FBXO15: variants seen among roughly 807,000 people sequenced by gnomAD.
FBXO15 encodes the protein F-box only protein 15.
Under a neutral mutation model 49.5 loss-of-function variants are expected in FBXO15, and 30 were observed. The observed-to-expected ratio is 0.61, with a 90% CI of 0.45 to 0.82. FBXO15 has a LOEUF of 0.82. Among genes scored for constraint, FBXO15 ranks in the 40% least tolerant of loss-of-function variants. FBXO15 has a pLI of 0.00. For missense variants in FBXO15, 591 were observed against 631.5 expected, an observed-to-expected ratio of 0.94 and a Z score of 0.69; for synonymous variants, 250 against 232.7, an observed-to-expected ratio of 1.07 and a Z score of -0.68.
chr18:74,108,487 C>T (rs1369619653), intron 8 of FBXO15, among the ~76,000 whole-genome samples: 1 of 148,010 alleles, frequency 6.8e-6, no homozygotes, highest in Non-Finnish European at 1.5e-5. Flanking sequence ...TAATATAAAC[C>T]TCTAAAATTG....
At chr18:74,114,097 T>C (rs1446816355) in intron 8 of FBXO15, among the ~76,000 whole-genome samples, 1 of 152,164 alleles carries the variant, frequency 6.6e-6, no homozygotes, top group Non-Finnish European at 1.5e-5. Context: ...CCTAAACAAT[T>C]TGTACAGTGT....
At chr18:74,119,067 G>C (rs1356928099) in intron 8 of FBXO15, among the ~76,000 whole-genome samples, 1 of 152,166 alleles carries the variant, frequency 6.6e-6, no homozygotes, top group African/African-American at 2.4e-5. Flanking sequence ...GGCGGGATGA[G>C]GGCAGGGCTT....
At chr18:74,112,346 T>C (rs989404033) in intron 8 of FBXO15, among the ~76,000 whole-genome samples, 1 of 152,208 alleles carries the variant, frequency 6.6e-6, no homozygotes, top group Non-Finnish European at 1.5e-5. Context: ...TGTGATCAAG[T>C]AGAATTTCTC....
intron 3 of FBXO15, among the ~76,000 whole-genome samples, chr18:74,131,889 C>T (rs927800427): frequency 6.6e-6 from 1 of 152,170 alleles, no homozygotes; most frequent in Admixed American, 6.5e-5. Context: ...TAACTGGGTG[C>T]TCTGGGGAGG....
At chr18:74,143,245 ATTGT>A (rs1335951098) in intron 1 of FBXO15, among the ~76,000 whole-genome samples, 2 of 152,192 alleles carry the variant, frequency 1.3e-5, no homozygotes, top group Admixed American at 6.5e-5. Context: ...GCTTTTTGTC[ATTGT>A]TTATTTCCTC....
At chr18:74,082,182 G>A (rs761777078) in intron 8 of FBXO15, 131 bp from the exon 9 acceptor site, 2 of 763,802 alleles carry the variant, frequency 2.6e-6, no homozygotes, top group Non-Finnish European at 4.0e-6. Flanking sequence ...GGGCAACATG[G>A]GCACAGCAAT....
intron 2 of FBXO15, among the ~76,000 whole-genome samples, chr18:74,139,208 A>G (rs1281841183): frequency 6.6e-6 from 1 of 152,098 alleles, no homozygotes; most frequent in African/African-American, 2.4e-5. Flanking sequence ...TGTTTTCTCA[A>G]CAACAGGTAT....
chr18:74,139,756 T>C (rs1978949356), intron 2 of FBXO15, among the ~76,000 whole-genome samples: 1 of 152,204 alleles, frequency 6.6e-6, no homozygotes, highest in Non-Finnish European at 1.5e-5. Flanking sequence ...CAATTAAACA[T>C]AATAATTTTT....
At chr18:74,100,122 C>G (rs1362003043) in intron 8 of FBXO15, 1 of 152,140 alleles carries the variant, frequency 6.6e-6, no homozygotes, top group Non-Finnish European at 1.5e-5. Context: ...ACATTCTATT[C>G]ATCAGTGCAT....
At chr18:74,131,320 A>G (rs1307516742) in intron 3 of FBXO15, among the ~76,000 whole-genome samples, 8 of 152,174 alleles carry the variant, frequency 5.3e-5, no homozygotes, top group Non-Finnish European at 1.2e-4. Flanking sequence ...TCCTGTCCCC[A>G]CTGCATAGAT....
chr18:74,135,243 A>G (rs1014149685), intron 3 of FBXO15, among the ~76,000 whole-genome samples: 1 of 152,228 alleles, frequency 6.6e-6, no homozygotes, highest in Admixed American at 6.5e-5. Context: ...AGGAGAGGAC[A>G]GTCTTGGCCT....
intron 3 of FBXO15, among the ~76,000 whole-genome samples, chr18:74,134,983 C>A (rs920474538): frequency 6.6e-6 from 1 of 152,148 alleles, no homozygotes; most frequent in Admixed American, 6.5e-5. Context: ...TTTGTCTGAT[C>A]TTTTGATGCT....
chr18:74,105,022 T>C (rs962161904), intron 8 of FBXO15, among the ~76,000 whole-genome samples: 1 of 152,142 alleles, frequency 6.6e-6, no homozygotes, highest in Non-Finnish European at 1.5e-5. Flanking sequence ...GCAACATGGA[T>C]GAAACTGGAG....
At chr18:74,142,674 A>G (rs75798244) in intron 1 of FBXO15, among the ~76,000 whole-genome samples, 1 of 152,262 alleles carries the variant, frequency 6.6e-6, no homozygotes, top group African/African-American at 2.4e-5. Flanking sequence ...TTATAAGGAT[A>G]TCATTCATAT....
chr18:74,073,752 A>G (rs928498365), intron 9 of FBXO15, 22 bp from the exon 10 acceptor site: 2 of 1,593,982 alleles, frequency 1.3e-6, no homozygotes, highest in Admixed American at 3.5e-5. Flanking sequence ...ACACAGATTG[A>G]CAAGGATAAA....
chr18:74,083,618 G>T (rs1912599593), intron 8 of FBXO15, among the ~76,000 whole-genome samples: 1 of 152,218 alleles, frequency 6.6e-6, no homozygotes, highest in African/African-American at 2.4e-5. Context: ...AGTGGCAACT[G>T]CCTGAGCTAA....
Position 74,123,466 on chromosome 18 carries a change from G to A in FBXO15, c.1040C>T (p.Pro347Leu), listed in dbSNP as rs757098182. ...PPHSPFLDDS[P>L]EYGLHGYQLH... The stretch of plus-strand genomic sequence containing the variant: ...TTGGTAGCCGTGCAGTCCATACTCG[G>A]GGCTATCATCCAAAAAGGGGCTATG... The change falls in exon 8 of 10, where the codon CCC becomes CTC. Residue 347 changes from proline to leucine, a missense_variant. Coordinates refer to ENST00000419743, the MANE Select transcript of FBXO15 (RefSeq NM_001142958.2). 2 of 1,613,626 alleles carry A rather than the reference G, an allele frequency of 1.2e-6. No individual in the cohort carries two copies. The highest frequency in any genetic ancestry group is 3.3e-5 in the Admixed American group (2 of 59,972).
rs534185370 is a variant in FBXO15 at position 74,141,989 on chromosome 18, T to A, written c.117-1677A>T. ...GTAGGCCCTCCACAAATATTAGTGA[T>A]CAGCTGCTCCACTGGCATCTCAACA... On this transcript the variant is annotated intron_variant, in intron 1 of 9. Coordinates refer to ENST00000419743, the MANE Select transcript of FBXO15 (RefSeq NM_001142958.2). Among the ~76,000 whole-genome samples the A allele has an allele frequency of 8.5e-5, 13 of 152,284 alleles. 1 individual carries two copies. The South Asian group carries it at 2.5e-3, about 29-fold the overall frequency.
At chr18:74,126,328 C>G (rs920818155) in intron 5 of FBXO15, among the ~76,000 whole-genome samples, 1 of 152,244 alleles carries the variant, frequency 6.6e-6, no homozygotes, top group African/African-American at 2.4e-5. Flanking sequence ...CTTGCTCTTA[C>G]TGTCAACTCA....
Sources: gnomAD v4.1 joint callset for allele counts (sites outside exome capture counted in the v4.1 genomes callset) on GRCh38, gnomAD v4.1.1 for gene constraint, MANE v1.5 for transcripts, NCBI Gene and HGNC (gene_info 2026-07-23, HGNC 2026-07-21) for gene names.